The following LRMDA variants were observed in gnomAD, a reference collection of about 807,000 sequenced individuals.
LRMDA encodes leucine rich melanocyte differentiation associated.
Under a neutral mutation model 29.8 loss-of-function variants are expected in LRMDA, and 18 were observed. The observed-to-expected ratio is 0.60, with a 90% CI of 0.42 to 0.90. The LOEUF (loss-of-function observed/expected upper bound fraction) is 0.90. Ranked by LOEUF, LRMDA falls within the 40% of genes least tolerant of loss-of-function variation. LRMDA has a pLI of 0.00. For missense variants in LRMDA, 273 were observed against 273.9 expected (o/e 1.00, Z 0.02); for synonymous variants, 125 against 109.4 (o/e 1.14, Z -0.89).
At chr10:75,533,430 G>A (rs1291335134) in intron 2 of LRMDA, among the ~76,000 whole-genome samples, 4 of 152,180 alleles carry the variant, frequency 2.6e-5, no homozygotes, top group East Asian at 1.9e-4. Flanking sequence ...GGAGAGTTTC[G>A]TGCAGCAGAG....
At chr10:76,398,572 A>G (rs1235182441) in intron 6 of LRMDA, among the ~76,000 whole-genome samples, 1 of 152,228 alleles carries the variant, frequency 6.6e-6, no homozygotes, top group East Asian at 1.9e-4. Flanking sequence ...TGGGCCAGAA[A>G]GAATGCATTT....
intron 5 of LRMDA, among the ~76,000 whole-genome samples, chr10:76,078,305 G>A (rs765390958): frequency 3.3e-5 from 5 of 151,368 alleles, no homozygotes; most frequent in Non-Finnish European, 7.4e-5. Context: ...CACGGCTCCC[G>A]GCCAATATTA....
chr10:76,421,094 T>A (rs1160164779), intron 6 of LRMDA, among the ~76,000 whole-genome samples: 1 of 152,170 alleles, frequency 6.6e-6, no homozygotes, highest in Non-Finnish European at 1.5e-5. Flanking sequence ...CTTTTTGTTA[T>A]CTGCTTCTTT....
At chr10:75,723,339 G>A (rs1842592322) in intron 2 of LRMDA, among the ~76,000 whole-genome samples, 1 of 152,222 alleles carries the variant, frequency 6.6e-6, no homozygotes, top group Non-Finnish European at 1.5e-5. Flanking sequence ...TGAATGTTGT[G>A]ATGAACCAAG....
chr10:75,886,034 A>G (rs955556887), intron 2 of LRMDA, among the ~76,000 whole-genome samples: 4 of 152,228 alleles, frequency 2.6e-5, no homozygotes, highest in Non-Finnish European at 5.9e-5. Flanking sequence ...AACCTGGAAA[A>G]GAGAAGAAAG....
intron 6 of LRMDA, among the ~76,000 whole-genome samples, chr10:76,510,157 G>A (rs1229476621): frequency 3.3e-5 from 5 of 151,960 alleles, no homozygotes; most frequent in South Asian, 2.1e-4. Context: ...TGCAACCTCC[G>A]CCTCCCGGAT....
chr10:76,367,430 A>ATT, intron 6 of LRMDA, among the ~76,000 whole-genome samples: 1 of 148,474 alleles, frequency 6.7e-6, no homozygotes, highest in East Asian at 2.0e-4. Flanking sequence ...TTAATTTTTA[A>ATT]TTTTTTTTTT....
intron 5 of LRMDA, among the ~76,000 whole-genome samples, chr10:76,144,752 G>T (rs1319238229): frequency 2.0e-5 from 3 of 152,012 alleles, no homozygotes; most frequent in Non-Finnish European, 4.4e-5. Flanking sequence ...GGTGAGAGAG[G>T]GCATCCCTGT....
intron 2 of LRMDA, among the ~76,000 whole-genome samples, chr10:75,466,821 A>G (rs1420471419): frequency 2.0e-5 from 3 of 151,386 alleles, no homozygotes; most frequent in African/African-American, 4.9e-5. Context: ...CCACCTCTAA[A>G]CCCTCCCCTC....
chr10:76,186,793 T>C (rs10466034), intron 5 of LRMDA, among the ~76,000 whole-genome samples: 6,351 of 152,264 alleles, frequency 0.042, 344 homozygotes, highest in East Asian at 0.17. Context: ...ATCTAACATC[T>C]AGCTGCTAGT....
chr10:76,105,441 C>T (rs1380471718), intron 5 of LRMDA, among the ~76,000 whole-genome samples: 15 of 152,036 alleles, frequency 9.9e-5, no homozygotes, highest in Non-Finnish European at 2.9e-5. Flanking sequence ...AGAGTCTTTA[C>T]ACATGTAATT....
chr10:75,884,475 C>T (rs1225236546), intron 2 of LRMDA, among the ~76,000 whole-genome samples: 1 of 152,024 alleles, frequency 6.6e-6, no homozygotes, highest in African/African-American at 2.4e-5. Flanking sequence ...AAGGATGGCA[C>T]CAAGTGACAA....
intron 5 of LRMDA, among the ~76,000 whole-genome samples, chr10:76,320,683 A>G (rs1840760268): frequency 1.3e-5 from 2 of 152,234 alleles, no homozygotes; most frequent in African/African-American, 2.4e-5. Context: ...TAATGAACAC[A>G]TGTAGAGATC....
intron 2 of LRMDA, among the ~76,000 whole-genome samples, chr10:75,529,525 G>A (rs1223648941): frequency 6.6e-6 from 1 of 152,194 alleles, no homozygotes; most frequent in Admixed American, 6.5e-5. Flanking sequence ...GCATCTCCAG[G>A]GTCATGGGCG....
chr10:75,735,421 C>G (rs1227743794), intron 2 of LRMDA, among the ~76,000 whole-genome samples: 1 of 152,102 alleles, frequency 6.6e-6, no homozygotes, highest in Non-Finnish European at 1.5e-5. Flanking sequence ...TGAGTTGAGT[C>G]AGAAATTCTT....
intron 2 of LRMDA, among the ~76,000 whole-genome samples, chr10:75,693,738 GA>G (rs940834040): frequency 2.6e-5 from 4 of 152,092 alleles, no homozygotes; most frequent in Admixed American, 2.6e-4. Flanking sequence ...ACTTCTGAGA[GA>G]AAAATGTCTG....
chr10:76,248,014 G>A (rs1278998533), intron 5 of LRMDA, among the ~76,000 whole-genome samples: 3 of 152,160 alleles, frequency 2.0e-5, no homozygotes, highest in Admixed American at 1.3e-4. Flanking sequence ...GGACACAGGT[G>A]TCCATATATG....
At chr10:76,515,755 C>T (rs558800036) in intron 6 of LRMDA, among the ~76,000 whole-genome samples, 41 of 152,272 alleles carry the variant, frequency 2.7e-4, no homozygotes, top group African/African-American at 9.4e-4. Context: ...TCTGCCGCCT[C>T]GGCCTCCCAA....
At position 75,831,964 on chromosome 10, in the gene LRMDA, C is replaced by T. The variant is rs535582813; in HGVS notation, c.132-204044C>T. 3.9e-5 allele frequency among the ~76,000 whole-genome samples: 6 copies of T among 152,318 alleles called. No homozygotes were observed. In the East Asian group the frequency reaches 5.8e-4, roughly 15 times the overall value. ...TGGCATGGGGACCCTGGGCCCAGCC[C>T]GTGAAACCATTTTCTCCTAGGCCTC... On this transcript the variant is annotated intron_variant, in intron 2 of 6. Coordinates refer to ENST00000611255, the MANE Select transcript of LRMDA (RefSeq NM_001305581.2).
Sources: gnomAD v4.1 joint callset for allele counts (sites outside exome capture counted in the v4.1 genomes callset) on GRCh38, gnomAD v4.1.1 for gene constraint, MANE v1.5 for transcripts, NCBI Gene and HGNC (gene_info 2026-07-23, HGNC 2026-07-21) for gene names.